CBFA2T3: variants seen among roughly 807,000 people sequenced by gnomAD.
The protein encoded by CBFA2T3 is CBFA2/RUNX1 partner transcriptional co-repressor 3, also known as transcriptional corepressor CBFA2T3.
A neutral mutation model predicts 58.6 loss-of-function variants in CBFA2T3; 31 were observed. The observed-to-expected ratio is 0.53, with a 90% confidence interval of 0.40 to 0.71. The LOEUF (loss-of-function observed/expected upper bound fraction) is 0.71, where lower values mean the gene tolerates loss of function less well. CBFA2T3 is among the 30% of genes least tolerant of loss of function. The pLI is 0.00. For missense variants in CBFA2T3, 1,076 were observed against 963.1 expected (o/e 1.12, Z -1.55); for synonymous variants, 531 against 421.9 (o/e 1.26, Z -3.17).
At chr16:88,935,339 C>A (rs1203296780) in intron 1 of CBFA2T3, among the ~76,000 whole-genome samples, 5 of 152,184 alleles carry the variant, frequency 3.3e-5, no homozygotes, top group African/African-American at 1.2e-4. Context: ...GCCCGGCAAT[C>A]CCCAGGCCTG....
intron 3 of CBFA2T3, among the ~76,000 whole-genome samples, chr16:88,895,428 G>A (rs1346489124): frequency 6.6e-6 from 1 of 152,222 alleles, no homozygotes; most frequent in Non-Finnish European, 1.5e-5. Flanking sequence ...CTGCACACAG[G>A]CTGCGCGGTT....
chr16:88,972,180 C>T (rs1161972273), intron 1 of CBFA2T3, among the ~76,000 whole-genome samples: 1 of 149,838 alleles, frequency 6.7e-6, no homozygotes, highest in Non-Finnish European at 1.5e-5. Flanking sequence ...CCAGCAGCCA[C>T]TGAGGCCTCA....
intron 1 of CBFA2T3, among the ~76,000 whole-genome samples, chr16:88,951,682 A>G (rs1972077437): frequency 1.3e-5 from 2 of 151,910 alleles, no homozygotes; most frequent in African/African-American, 4.8e-5. Flanking sequence ...CCGCGGCCCC[A>G]GCGATTGGTC....
At position 88,915,948 on chromosome 16, in the gene CBFA2T3, A is replaced by G. The variant is rs555417013; in HGVS notation, c.152-14292T>C. Among the ~76,000 whole-genome samples, 553 of 152,116 alleles carry G rather than the reference A, an allele frequency of 3.6e-3. 1 individual carries two copies. The highest frequency in any genetic ancestry group is 0.013 in the African/African-American group (530 of 41,480). The stretch of plus-strand genomic sequence containing the variant: ...CATGTGTGCGTGTGAGTGTGCATGC[A>G]TGAGTGTACGTGGGTGCATGGGTCT... On this transcript the variant is annotated intron_variant, in intron 1 of 11. Coordinates refer to ENST00000268679, the MANE Select transcript of CBFA2T3 (RefSeq NM_005187.6).
rs368161514 is a variant in CBFA2T3 at position 88,892,226 on chromosome 16, T to C, written c.621+18A>G. On this transcript the variant is annotated intron_variant, in intron 4 of 11. Coordinates refer to ENST00000268679, the MANE Select transcript of CBFA2T3 (RefSeq NM_005187.6). ...AATATGCATGTCCCAAGGCCCCGGC[T>C]GTCCCTGCCCAACTCACCACCAGGC... The C allele has an allele frequency of 2.0e-5, 32 of 1,601,886 alleles. No homozygotes were observed. The highest frequency in any genetic ancestry group is 2.6e-5 in the Non-Finnish European group (30 of 1,175,694).
intron 3 of CBFA2T3, among the ~76,000 whole-genome samples, chr16:88,896,086 G>T (rs929464990): frequency 6.6e-6 from 1 of 152,180 alleles, no homozygotes; most frequent in African/African-American, 2.4e-5. Context: ...CATCCTGACT[G>T]GTTTTATGGG....
intron 1 of CBFA2T3, among the ~76,000 whole-genome samples, chr16:88,905,567 A>G (rs115929739): frequency 0.049 from 7,412 of 151,276 alleles, 288 homozygotes; most frequent in African/African-American, 0.1. Flanking sequence ...CCCAGAGGAA[A>G]TGCCTCTTTG....
intron 1 of CBFA2T3, among the ~76,000 whole-genome samples, chr16:88,970,142 T>C (rs1217365839): frequency 6.6e-6 from 1 of 151,862 alleles, no homozygotes; most frequent in Non-Finnish European, 1.5e-5. Flanking sequence ...GTGAAACGGC[T>C]GCTCTGCAGC....
In CBFA2T3 at chr16:88,976,675, G is replaced by C. The variant is rs1242762504; in HGVS notation, c.133C>G (p.Pro45Ala). 3.8e-6 allele frequency: 6 copies of C among 1,563,698 alleles called. No individual in the cohort carries two copies. In the African/African-American group the frequency reaches 6.8e-5, roughly 18 times the overall value. Residue 45 changes from proline (P) to alanine (A), a missense_variant, in exon 1 of 12, where the codon CCC (proline) becomes GCC (alanine). Coordinates refer to ENST00000268679, the MANE Select transcript of CBFA2T3 (RefSeq NM_005187.6). ...CTCTTACCTGGGCCGCCCTTCCTGG[G>C]ACCCCGGGGTGCGGAGCAGCCGGCA... ...ASAGCSAPRG[P>A]RKGGPAPVDR...
In CBFA2T3 at chr16:88,875,096, C is replaced by T. The variant is rs1427211745; in HGVS notation, c.*1880G>A. On this transcript the variant is annotated 3_prime_UTR_variant, in exon 12 of 12. Coordinates refer to ENST00000268679, the MANE Select transcript of CBFA2T3 (RefSeq NM_005187.6). ...ACGGGCCACGCCACGCGCACAGATG[C>T]CAGGCCACGGGCCACGCCACACACA... 3 of 236,046 alleles carry T rather than the reference C, an allele frequency of 1.3e-5. No individual in the cohort carries two copies. The highest frequency in any genetic ancestry group is 6.0e-5 in the East Asian group (1 of 16,600). The allele number at this position is 236,046 out of a possible 1,614,324, so 14.6% of individuals were successfully genotyped here. A position where few individuals can be genotyped will look rare whatever the true frequency, so the allele number is the denominator to read the frequency against.
intron 1 of CBFA2T3, chr16:88,941,681 G>A (rs1457442193): frequency 6.7e-6 from 1 of 148,718 alleles, no homozygotes; most frequent in African/African-American, 2.4e-5. Flanking sequence ...AGAGGTTGAG[G>A]GGTGCGGGCG....
Position 88,899,570 on chromosome 16 carries a change from C to T in CBFA2T3, c.305-1418G>A, listed in dbSNP as rs544690225. Among the ~76,000 whole-genome samples the T allele has an allele frequency of 6.6e-5, 10 of 152,272 alleles. No individual in the cohort carries two copies. In the South Asian group the frequency reaches 1.5e-3, roughly 22 times the overall value. ...CAGGCATGCCGGCTGCCCTCACATC[C>T]GTTCACAGGTCTCCAGAAGCAGAGC... On this transcript the variant is annotated intron_variant, in intron 2 of 11. Coordinates refer to ENST00000268679, the MANE Select transcript of CBFA2T3 (RefSeq NM_005187.6).
rs896878051 is a variant in CBFA2T3, at chr16:88,875,643, G to A, written c.*1333C>T. 4 of 233,628 alleles carry A rather than the reference G, an allele frequency of 1.7e-5. No homozygotes were observed. The highest frequency in any genetic ancestry group is 1.8e-4 in the South Asian group (1 of 5,574). The allele number at this position is 233,628 out of a possible 1,614,324, so 14.5% of individuals were successfully genotyped here. A position where few individuals can be genotyped will look rare whatever the true frequency, so the allele number is the denominator to read the frequency against. On this transcript the variant is annotated 3_prime_UTR_variant, in exon 12 of 12. Coordinates refer to ENST00000268679, the MANE Select transcript of CBFA2T3 (RefSeq NM_005187.6). ...TGGGGTGAGGGGGCCGAGAGAGGTC[G>A]GAGGGCGCGGAGAGGAGAGAGGTAG...
intron 3 of CBFA2T3, among the ~76,000 whole-genome samples, chr16:88,897,187 T>G (rs1481379584): frequency 6.6e-6 from 1 of 152,078 alleles, no homozygotes; most frequent in Non-Finnish European, 1.5e-5. Flanking sequence ...GATCACAGAG[T>G]GGATGACAAG....
chr16:88,900,372 T>C (rs1238311764), intron 2 of CBFA2T3, among the ~76,000 whole-genome samples: 1 of 152,198 alleles, frequency 6.6e-6, no homozygotes, highest in East Asian at 1.9e-4. Context: ...CAGTGCTCTC[T>C]CCAGATGGAG....
chr16:88,975,421 C>T (rs770616760), intron 1 of CBFA2T3, among the ~76,000 whole-genome samples: 4 of 152,224 alleles, frequency 2.6e-5, no homozygotes, highest in South Asian at 2.1e-4. Flanking sequence ...TCTCTCTCCG[C>T]GCCGGTGAGA....
chr16:88,907,825 C>A (rs1438206301), intron 1 of CBFA2T3, among the ~76,000 whole-genome samples: 1 of 152,258 alleles, frequency 6.6e-6, no homozygotes, highest in East Asian at 1.9e-4. Flanking sequence ...TCCTTCCCAC[C>A]CTCGATGGCT....
At chr16:88,901,370 G>A (rs748567237) in intron 2 of CBFA2T3, 134 bp downstream of exon 2, 17 of 522,948 alleles carry the variant, frequency 3.3e-5, no homozygotes, top group Non-Finnish European at 5.6e-5. Flanking sequence ...TGGGCTCTGG[G>A]CCACACGAGC....
At chr16:88,910,341 C>T (rs918539336) in intron 1 of CBFA2T3, among the ~76,000 whole-genome samples, 13 of 152,206 alleles carry the variant, frequency 8.5e-5, no homozygotes, top group African/African-American at 3.1e-4. Context: ...GCTGGTGAGC[C>T]CACCCGCCTG....
Sources: allele counts gnomAD v4.1 joint callset (sites outside exome capture counted in the v4.1 genomes callset), GRCh38; gene constraint gnomAD v4.1.1; transcripts MANE v1.5; gene names NCBI Gene and HGNC (gene_info 2026-07-23, HGNC 2026-07-21).